Variants in MMP16 observed in about 807,000 individuals in gnomAD.
The protein encoded by MMP16 is matrix metallopeptidase 16.
A neutral mutation model predicts 67.8 loss-of-function variants in MMP16; 12 were observed. The observed-to-expected ratio is 0.18, with a 90% CI of 0.11 to 0.29. The LOEUF (loss-of-function observed/expected upper bound fraction) is 0.29. Ranked by LOEUF, MMP16 falls within the 10% of genes least tolerant of loss-of-function variation. MMP16 has a pLI of 1.00. For missense variants in MMP16, 475 were observed against 765.7 expected, an observed-to-expected ratio of 0.62 and a Z score of 4.48; for synonymous variants, 249 against 255.9, an observed-to-expected ratio of 0.97 and a Z score of 0.26.
chr8:88,218,992 A>G (rs1315327116), intron 1 of MMP16, among the ~76,000 whole-genome samples: 1 of 152,094 alleles, frequency 6.6e-6, no homozygotes, highest in Non-Finnish European at 1.5e-5. Context: ...GATCTCAGGG[A>G]TTAGAGCAGA....
intron 3 of MMP16, among the ~76,000 whole-genome samples, chr8:88,183,226 G>T (rs1175095287): frequency 6.6e-6 from 1 of 152,116 alleles, no homozygotes; most frequent in Admixed American, 6.6e-5. Flanking sequence ...ACTAGTACTG[G>T]CTCATCAATT....
At position 88,041,828 on chromosome 8, in the gene MMP16, C is replaced by T. The variant is rs1274446129; in HGVS notation, c.1490-33G>A. The stretch of plus-strand genomic sequence containing the variant: ...GAAAAACATACACACACACAGGTAC[C>T]ACTTATTTGTGACAGTGTATATGTA... On this transcript the variant is annotated intron_variant, in intron 9 of 9. Transcript: ENST00000286614. The surrounding 1 kb of genome is among the most constrained non-coding windows in gnomAD (Gnocchi z 6.0). The T allele has an allele frequency of 1.1e-5, 16 of 1,480,284 alleles. No individual in the cohort carries two copies. The highest frequency in any genetic ancestry group is 1.1e-5 in the Non-Finnish European group (12 of 1,075,528). 91.7% of individuals were successfully genotyped at this position (1,480,284 alleles called of 1,614,324 possible). A position where few individuals can be genotyped will look rare whatever the true frequency, so the allele number is the denominator to read the frequency against.
chr8:88,122,301 T>C (rs1807853061), intron 4 of MMP16, among the ~76,000 whole-genome samples: 1 of 152,006 alleles, frequency 6.6e-6, no homozygotes, highest in Non-Finnish European at 1.5e-5. Flanking sequence ...CTCTGTCAAT[T>C]GTGCAAGATC....
chr8:88,252,591 T>C (rs1016308786), intron 1 of MMP16, among the ~76,000 whole-genome samples: 6 of 151,454 alleles, frequency 4.0e-5, no homozygotes, highest in African/African-American at 1.2e-4. Context: ...ATAAATGAAG[T>C]TGAATAGTAT....
At chr8:88,173,839 C>T (rs901552661) in intron 3 of MMP16, among the ~76,000 whole-genome samples, 10 of 152,130 alleles carry the variant, frequency 6.6e-5, no homozygotes, top group Non-Finnish European at 1.5e-4. Context: ...AAATATTTGG[C>T]TATTTCCCAA....
At chr8:88,065,020 A>C (rs1016294972) in intron 7 of MMP16, among the ~76,000 whole-genome samples, 2 of 152,090 alleles carry the variant, frequency 1.3e-5, no homozygotes, top group Non-Finnish European at 2.9e-5. Context: ...CTCCCACCAA[A>C]GACTGATCAC....
At chr8:88,308,176 T>C (rs558674269) in intron 1 of MMP16, among the ~76,000 whole-genome samples, 1 of 152,212 alleles carries the variant, frequency 6.6e-6, no homozygotes, top group African/African-American at 2.4e-5. Context: ...TCACCCTGTA[T>C]CTATATCCTT....
intron 1 of MMP16, among the ~76,000 whole-genome samples, chr8:88,318,503 G>C (rs183889277): frequency 6.6e-6 from 1 of 152,148 alleles, no homozygotes; most frequent in African/African-American, 2.4e-5. Flanking sequence ...TACAAACGAT[G>C]TTCGTAATGG....
intron 1 of MMP16, among the ~76,000 whole-genome samples, chr8:88,241,158 A>G (rs1169729855): frequency 1.3e-5 from 2 of 152,002 alleles, no homozygotes; most frequent in Non-Finnish European, 2.9e-5. Flanking sequence ...AAAAGACCAG[A>G]AACAACAAAA....
At chr8:88,117,757 A>C (rs16878727) in intron 5 of MMP16, among the ~76,000 whole-genome samples, 11,638 of 152,116 alleles carry the variant, frequency 0.077, 472 homozygotes, top group South Asian at 0.11. Flanking sequence ...TTAAAAAAAA[A>C]CTAATGAATG....
At position 88,116,676 on chromosome 8, in the gene MMP16, G is replaced by C; in HGVS notation, c.914C>G (p.Thr305Arg). Reference protein sequence around the residue: ...KIPPPTRPLPTVPPHRSIPPA... With the variant: ...KIPPPTRPLPRVPPHRSIPPA... ...AGGAATAGAGCGGTGTGGGGGCACT[G>C]TCGGTAGAGGTCTTGTAGGTGGAGG... The change falls in exon 6 of 10, where the codon ACA (threonine) becomes AGA (arginine). Residue 305 changes from threonine to arginine, a missense_variant. Thr to Arg is a moderately conservative substitution (Grantham distance 71, BLOSUM62 -1). Coordinates refer to ENST00000286614, the MANE Select transcript of MMP16 (RefSeq NM_005941.5). 1 of 1,613,776 alleles carries C rather than the reference G, an allele frequency of 6.2e-7. No homozygotes were observed. The highest frequency in any genetic ancestry group is 8.5e-7 in the Non-Finnish European group (1 of 1,179,844).
intron 4 of MMP16, among the ~76,000 whole-genome samples, chr8:88,135,732 A>G (rs1015314407): frequency 6.6e-6 from 1 of 151,938 alleles, no homozygotes; most frequent in Non-Finnish European, 1.5e-5. Context: ...ATCCAGGATA[A>G]TACCAGGTTT....
At chr8:88,117,451 G>T (rs1005180099) in intron 5 of MMP16, among the ~76,000 whole-genome samples, 2 of 152,088 alleles carry the variant, frequency 1.3e-5, no homozygotes, top group African/African-American at 4.8e-5. Flanking sequence ...ATGTAAAGCT[G>T]TTTGCACTTA....
intron 6 of MMP16, among the ~76,000 whole-genome samples, chr8:88,102,898 C>G (rs180898790): frequency 3.3e-5 from 5 of 151,998 alleles, no homozygotes; most frequent in Non-Finnish European, 7.4e-5. Context: ...GTTCCACCCC[C>G]AGTAACTGTC....
chr8:88,063,065 C>T (rs904500717), intron 7 of MMP16, among the ~76,000 whole-genome samples: 8 of 152,062 alleles, frequency 5.3e-5, no homozygotes, highest in African/African-American at 1.4e-4. Context: ...TGACATTGTA[C>T]TTGGCAGAAT....
chr8:88,301,121 C>T (rs149649607), intron 1 of MMP16, among the ~76,000 whole-genome samples: 63 of 152,238 alleles, frequency 4.1e-4, no homozygotes, highest in African/African-American at 1.4e-3. Flanking sequence ...TTAAACCTAG[C>T]TCAATGAAAA....
intron 1 of MMP16, among the ~76,000 whole-genome samples, chr8:88,240,834 C>A (rs1810022024): frequency 6.6e-6 from 1 of 152,126 alleles, no homozygotes; most frequent in Non-Finnish European, 1.5e-5. Context: ...AATTATTAAT[C>A]TTGCCAGAGG....
chr8:88,158,079 C>T (rs11988837), intron 4 of MMP16, among the ~76,000 whole-genome samples: 11,935 of 152,050 alleles, frequency 0.078, 555 homozygotes, highest in East Asian at 0.16. Flanking sequence ...CATTGTTGGA[C>T]ATTTGGGTTG....
At chr8:88,176,525 C>T (rs563701868) in intron 3 of MMP16, among the ~76,000 whole-genome samples, 1 of 152,162 alleles carries the variant, frequency 6.6e-6, no homozygotes, top group Non-Finnish European at 1.5e-5. Context: ...AGCTGTCTAA[C>T]GTTTACAGCT....
Sources: allele counts gnomAD v4.1 joint callset (sites outside exome capture counted in the v4.1 genomes callset), GRCh38; gene constraint gnomAD v4.1.1; non-coding constraint Gnocchi (gnomAD v3.1); transcripts MANE v1.5; gene names NCBI Gene and HGNC (gene_info 2026-07-23, HGNC 2026-07-21).